SORCS3: variants seen among roughly 807,000 people sequenced by gnomAD.
SORCS3 encodes VPS10 domain-containing receptor SorCS3.
SORCS3 carries 57 observed loss-of-function variants against 146.3 expected under a neutral mutation model. The observed-to-expected ratio is 0.39, with a 90% CI of 0.31 to 0.49. The LOEUF is 0.49. Ranked by LOEUF, SORCS3 falls within the 20% of genes least tolerant of loss-of-function variation. The pLI, the probability that SORCS3 is intolerant of heterozygous loss-of-function variation, is 0.92. For missense variants in SORCS3, 1,341 were observed against 1,575.5 expected (o/e 0.85, Z 2.52); for synonymous variants, 653 against 618.5 (o/e 1.06, Z -0.83).
At chr10:104,688,593 T>C (rs2133420509) in intron 1 of SORCS3, among the ~76,000 whole-genome samples, 1 of 152,352 alleles carries the variant, frequency 6.6e-6, no homozygotes. Flanking sequence ...GGGTGGATTG[T>C]TCGGCCTCAA....
chr10:104,746,236 A>G (rs1404626440), intron 1 of SORCS3, among the ~76,000 whole-genome samples: 1 of 150,864 alleles, frequency 6.6e-6, no homozygotes, highest in African/African-American at 2.4e-5. Flanking sequence ...TCCCAGGTTC[A>G]CGCCATTCTC....
At chr10:105,254,764 A>C (rs902527349) in intron 23 of SORCS3, among the ~76,000 whole-genome samples, 1 of 151,766 alleles carries the variant, frequency 6.6e-6, no homozygotes, top group African/African-American at 2.4e-5. Context: ...ATGCCACTGC[A>C]CTCCAGCCTG....
chr10:104,921,423 G>T (rs2019085163), intron 3 of SORCS3, among the ~76,000 whole-genome samples: 1 of 152,138 alleles, frequency 6.6e-6, no homozygotes, highest in South Asian at 2.1e-4. Flanking sequence ...GGAAATGGCA[G>T]AGAGCACACA....
At chr10:104,869,885 A>T (rs1466380668) in intron 2 of SORCS3, among the ~76,000 whole-genome samples, 1 of 152,230 alleles carries the variant, frequency 6.6e-6, no homozygotes, top group African/African-American at 2.4e-5. Context: ...AGTCTAGAGC[A>T]TCATCATTAT....
chr10:104,754,524 A>T (rs898320121), intron 1 of SORCS3, among the ~76,000 whole-genome samples: 24 of 152,132 alleles, frequency 1.6e-4, no homozygotes, highest in Admixed American at 1.2e-3. Flanking sequence ...AGGGGGGGAA[A>T]AACTTTACCC....
intron 9 of SORCS3, among the ~76,000 whole-genome samples, chr10:105,154,112 A>G (rs2056188875): frequency 6.9e-6 from 1 of 145,756 alleles, no homozygotes; most frequent in South Asian, 2.2e-4. Context: ...CAGCCTCAGT[A>G]TTCTGGTCTC....
chr10:104,916,115 A>G (rs892309672), intron 3 of SORCS3, among the ~76,000 whole-genome samples, 183 bp downstream of exon 3: 10 of 152,228 alleles, frequency 6.6e-5, no homozygotes, highest in Non-Finnish European at 8.8e-5. Flanking sequence ...TAATAATAAT[A>G]GTGACAGCAG....
In SORCS3 at chr10:104,874,152, T is replaced by C. The variant is rs1346169063; in HGVS notation, c.695+31293T>C. ...AATGCAGTGTGCTTATCTTGTTTGC[T>C]TCCTTCTCACACCCTCCTCTTTGTT... On this transcript the variant is annotated intron_variant, in intron 2 of 26. Transcript: ENST00000369701. 3.3e-5 allele frequency among the ~76,000 whole-genome samples: 5 copies of C among 152,224 alleles called. No individual in the cohort carries two copies. In the East Asian group the frequency reaches 9.6e-4, roughly 29 times the overall value.
At chr10:105,099,470 C>A (rs975720635) in intron 6 of SORCS3, among the ~76,000 whole-genome samples, 1 of 152,104 alleles carries the variant, frequency 6.6e-6, no homozygotes, top group Non-Finnish European at 1.5e-5. Flanking sequence ...AACATAATCA[C>A]GGGACACCAT....
intron 1 of SORCS3, among the ~76,000 whole-genome samples, chr10:104,747,587 A>G (rs1301551569): frequency 6.6e-6 from 1 of 152,236 alleles, no homozygotes; most frequent in East Asian, 1.9e-4. Flanking sequence ...AGGAGGCAAG[A>G]AATGCTTCCC....
intron 3 of SORCS3, among the ~76,000 whole-genome samples, chr10:104,919,403 G>T (rs966303420): frequency 6.6e-6 from 1 of 151,588 alleles, no homozygotes; most frequent in Non-Finnish European, 1.5e-5. Flanking sequence ...AGAAATTAAC[G>T]TTTGTAGCCA....
chr10:104,990,628 C>T (rs949681025), intron 4 of SORCS3, among the ~76,000 whole-genome samples: 1 of 152,022 alleles, frequency 6.6e-6, no homozygotes, highest in Non-Finnish European at 1.5e-5. Context: ...ATATGTTACT[C>T]TAGGGAAAAA....
At chr10:105,042,153 A>G (rs2055342395) in intron 4 of SORCS3, among the ~76,000 whole-genome samples, 1 of 152,210 alleles carries the variant, frequency 6.6e-6, no homozygotes, top group Non-Finnish European at 1.5e-5. Flanking sequence ...CTCATAGTCT[A>G]GCAGGGTAGA....
intron 4 of SORCS3, among the ~76,000 whole-genome samples, chr10:104,997,803 G>A (rs531891698): frequency 6.6e-6 from 1 of 152,132 alleles, no homozygotes; most frequent in South Asian, 2.1e-4. Context: ...CTGAGGACTT[G>A]ATGGATTTAA....
intron 1 of SORCS3, among the ~76,000 whole-genome samples, chr10:104,779,478 G>A (rs956609017): frequency 9.9e-5 from 15 of 152,254 alleles, no homozygotes; most frequent in African/African-American, 2.2e-4. Flanking sequence ...GAAAATATAC[G>A]AGAGAAAATG....
chr10:104,937,009 G>A (rs2019266825), intron 3 of SORCS3, among the ~76,000 whole-genome samples: 1 of 152,186 alleles, frequency 6.6e-6, no homozygotes, highest in African/African-American at 2.4e-5. Flanking sequence ...GACCAGTTTT[G>A]TGAAAGACAA....
At chr10:104,967,593 C>T (rs1395408765) in intron 3 of SORCS3, among the ~76,000 whole-genome samples, 2 of 152,062 alleles carry the variant, frequency 1.3e-5, no homozygotes, top group African/African-American at 4.8e-5. Context: ...AAGAGGGAGG[C>T]AAATAATCCC....
Position 104,641,512 on chromosome 10 carries a change from G to T in SORCS3, c.185G>T (p.Arg62Leu). 6.8e-7 allele frequency: 1 copy of T among 1,474,658 alleles called. No individual in the cohort carries two copies. The highest frequency in any genetic ancestry group is 8.9e-7 in the Non-Finnish European group (1 of 1,121,504). 91.3% of individuals were successfully genotyped at this position (1,474,658 alleles called of 1,614,324 possible). The change falls in exon 1 of 27, where the codon CGG becomes CTG. Residue 62 changes from arginine (R) to leucine (L), a missense_variant. Physicochemically the swap from Arg to Leu is moderately radical, Grantham distance 102 (BLOSUM62 -2). Coordinates refer to ENST00000369701, the MANE Select transcript of SORCS3 (RefSeq NM_014978.3). This position sits in a 1 kb window ranked among gnomAD's most constrained non-coding sequence, Gnocchi z 6.4. The part of the protein sequence containing the change: ...RPPALSPLSP[R>L]AVASQWPEEL... Reference sequence around the variant, plus strand: ...CCGGCGTTGTCTCCACTCTCGCCGCGGGCAGTGGCCAGCCAGTGGCCGGAG... The same window carrying T: ...CCGGCGTTGTCTCCACTCTCGCCGCTGGCAGTGGCCAGCCAGTGGCCGGAG...
chr10:104,902,451 C>A (rs2018861399), intron 2 of SORCS3, among the ~76,000 whole-genome samples: 2 of 152,212 alleles, frequency 1.3e-5, no homozygotes, highest in South Asian at 4.1e-4. Context: ...TGAGCCAAGG[C>A]CCTTGCAGGC....
Sources: allele counts gnomAD v4.1 joint callset (sites outside exome capture counted in the v4.1 genomes callset), GRCh38; gene constraint gnomAD v4.1.1; non-coding constraint Gnocchi (gnomAD v3.1); transcripts MANE v1.5; gene names NCBI Gene and HGNC (gene_info 2026-07-23, HGNC 2026-07-21).